The following WWC2 variants were observed in gnomAD, a reference collection of about 807,000 sequenced individuals.
WWC2 encodes protein WWC2.
In WWC2, 101 loss-of-function variants were observed where a neutral mutation model predicts 138.5. That is an observed-to-expected ratio of 0.73 (90% confidence interval 0.62 to 0.86). The LOEUF (loss-of-function observed/expected upper bound fraction) is 0.86. Ranked by LOEUF, WWC2 falls within the 40% of genes least tolerant of loss-of-function variation. The pLI is 0.00. For synonymous variants in WWC2, 558 were observed against 538.4 expected (o/e 1.04, Z -0.50); for missense variants, 1,420 against 1,419.4 (o/e 1.00, Z -0.01).
At position 183,319,761 on chromosome 4, in the gene WWC2, A is replaced by T; in HGVS notation, c.*4032A>T. ...CTCCCACCTGGGGACAAAGTCTGGG[A>T]CGTTCTCATCCCAGAACTCCTGAAC... is the stretch of plus-strand genomic sequence containing the variant. On this transcript the variant is annotated 3_prime_UTR_variant, in exon 23 of 23. Transcript: ENST00000403733. 6.2e-7 allele frequency: 1 copy of T among 1,614,044 alleles called. No homozygotes were observed. The highest frequency in any genetic ancestry group is 1.1e-5 in the South Asian group (1 of 91,066).
intron 1 of WWC2, among the ~76,000 whole-genome samples, chr4:183,186,838 C>T (rs187473751): frequency 6.6e-6 from 1 of 152,220 alleles, no homozygotes; most frequent in East Asian, 1.9e-4. Flanking sequence ...TGACAAAACT[C>T]ATGCCAGCTG....
chr4:183,248,952 T>G, intron 7 of WWC2, 92 bp downstream of exon 7: 1 of 1,256,030 alleles, frequency 8.0e-7, no homozygotes, highest in South Asian at 2.0e-5. Flanking sequence ...GAAGTATATG[T>G]GACTTGGATT....
At chr4:183,162,215 C>T (rs1202933606) in intron 1 of WWC2, among the ~76,000 whole-genome samples, 2 of 151,938 alleles carry the variant, frequency 1.3e-5, no homozygotes, top group Non-Finnish European at 2.9e-5. Flanking sequence ...AAGAAACAAA[C>T]CCTAATTCTC....
intron 1 of WWC2, among the ~76,000 whole-genome samples, chr4:183,171,386 A>G (rs1056084167): frequency 6.6e-6 from 1 of 152,246 alleles, no homozygotes; most frequent in Admixed American, 6.5e-5. Flanking sequence ...AAGATTCACT[A>G]GAGTTTAGTT....
At chr4:183,192,042 C>T (rs951667647) in intron 1 of WWC2, among the ~76,000 whole-genome samples, 1 of 152,158 alleles carries the variant, frequency 6.6e-6, no homozygotes, top group African/African-American at 2.4e-5. Context: ...GTATTTGTAA[C>T]AAGGTCCCAG....
chr4:183,299,651 C>T (rs1270170263), intron 21 of WWC2, among the ~76,000 whole-genome samples: 1 of 152,172 alleles, frequency 6.6e-6, no homozygotes, highest in Non-Finnish European at 1.5e-5. Flanking sequence ...CCTGCTTCCT[C>T]CTCACTTCCA....
In WWC2 at chr4:183,262,472, GTAAT is replaced by G. The variant is rs1174950565; in HGVS notation, c.1909+942_1909+945del. On this transcript the variant is annotated intron_variant, in intron 11 of 22. Transcript: ENST00000403733. ...GTATGTATGGTCCTAAGAATTCTGAGTAATTGATTGGCCAATTCAGATATGTAAA... is the reference window on the plus strand; with the variant it reads ...GTATGTATGGTCCTAAGAATTCTGAGTGATTGGCCAATTCAGATATGTAAA... Among the ~76,000 whole-genome samples, 16 of 152,350 alleles carry G rather than the reference GTAAT, an allele frequency of 1.1e-4. No individual in the cohort carries two copies. In the South Asian group the frequency reaches 1.7e-3, roughly 16 times the overall value.
chr4:183,284,103 G>A, intron 18 of WWC2, 123 bp from the exon 19 acceptor site: 1 of 1,128,226 alleles, frequency 8.9e-7, no homozygotes, highest in Non-Finnish European at 1.2e-6. Flanking sequence ...CTTTCTCTTA[G>A]GAGTGGCCAT....
Position 183,241,491 on chromosome 4 carries a change from T to C in WWC2, c.602+1229T>C, listed in dbSNP as rs371643354. Among the ~76,000 whole-genome samples, 7 of 152,308 alleles carry C rather than the reference T, an allele frequency of 4.6e-5. No individual in the cohort carries two copies. In the East Asian group the frequency reaches 9.6e-4, roughly 21 times the overall value. ...GTGCTGTTATCATCCAGACTCCTTT[T>C]TTCCTGCTTACCGCATAGAATCATG... On this transcript the variant is annotated intron_variant, in intron 5 of 22. Coordinates refer to ENST00000403733, the MANE Select transcript of WWC2 (RefSeq NM_024949.6).
intron 16 of WWC2, among the ~76,000 whole-genome samples, chr4:183,275,478 C>T (rs1382428361): frequency 2.0e-5 from 3 of 152,112 alleles, no homozygotes; most frequent in African/African-American, 4.8e-5. Flanking sequence ...TAAGGAAAAG[C>T]TCTTCTTTTC....
chr4:183,288,756 G>C (rs1738334963), intron 20 of WWC2, among the ~76,000 whole-genome samples: 1 of 152,204 alleles, frequency 6.6e-6, no homozygotes, highest in South Asian at 2.1e-4. Flanking sequence ...ATTCAGTGGT[G>C]AAAGTAAGTA....
intron 1 of WWC2, among the ~76,000 whole-genome samples, chr4:183,143,111 A>G (rs924371872): frequency 6.6e-6 from 1 of 152,210 alleles, no homozygotes; most frequent in Non-Finnish European, 1.5e-5. Context: ...TCATTTTTGC[A>G]GACTAATTTT....
chr4:183,256,864 T>G (rs1737160385), intron 9 of WWC2, among the ~76,000 whole-genome samples: 1 of 141,534 alleles, frequency 7.1e-6, no homozygotes, highest in African/African-American at 2.7e-5. Flanking sequence ...GAATTTTCAG[T>G]CTCTGAGTGT....
At chr4:183,285,185 G>C (rs991510360) in intron 19 of WWC2, among the ~76,000 whole-genome samples, 24 of 152,148 alleles carry the variant, frequency 1.6e-4, no homozygotes, top group Non-Finnish European at 3.5e-4. Context: ...ATGGACAACA[G>C]TAGTGCAGGG....
At chr4:183,178,073 A>G (rs1381034253) in intron 1 of WWC2, among the ~76,000 whole-genome samples, 1 of 152,204 alleles carries the variant, frequency 6.6e-6, no homozygotes, top group Non-Finnish European at 1.5e-5. Context: ...ATCCCACAGA[A>G]ATGCATTGAT....
At chr4:183,306,573 A>G (rs1364987849) in intron 21 of WWC2, among the ~76,000 whole-genome samples, 1 of 147,664 alleles carries the variant, frequency 6.8e-6, no homozygotes, top group African/African-American at 2.5e-5. Flanking sequence ...AGGGGTAACA[A>G]TTTTTTTTTT....
At chr4:183,255,901 C>A (rs1737120969) in intron 9 of WWC2, among the ~76,000 whole-genome samples, 1 of 139,706 alleles carries the variant, frequency 7.2e-6, no homozygotes. Flanking sequence ...TAACGAACAG[C>A]CCAAACCTCA....
intron 1 of WWC2, among the ~76,000 whole-genome samples, chr4:183,149,440 T>C (rs1331629398): frequency 2.0e-5 from 3 of 152,208 alleles, no homozygotes; most frequent in African/African-American, 7.2e-5. Context: ...CTGACCAACA[T>C]GGAGAAACCC....
intron 1 of WWC2, among the ~76,000 whole-genome samples, chr4:183,151,419 T>A (rs1271162073): frequency 2.0e-5 from 3 of 152,244 alleles, no homozygotes; most frequent in African/African-American, 7.2e-5. Context: ...GTTTAAGTTC[T>A]TCGTAGATTC....
Sources: allele counts gnomAD v4.1 joint callset (sites outside exome capture counted in the v4.1 genomes callset), GRCh38; gene constraint gnomAD v4.1.1; transcripts MANE v1.5; gene names NCBI Gene and HGNC (gene_info 2026-07-23, HGNC 2026-07-21).